SLC38A8: variants seen among roughly 807,000 people sequenced by gnomAD.
SLC38A8 encodes amino acid transporter SLC38A8.
A neutral mutation model predicts 46.0 loss-of-function variants in SLC38A8; 65 were observed. The ratio of observed to expected loss-of-function variants is 1.41; its 90% CI spans 1.16 to 1.74. SLC38A8 has a LOEUF of 1.74. Among genes scored for constraint, SLC38A8 ranks in the 40% most tolerant of loss-of-function variants. The pLI is 0.00. For synonymous variants in SLC38A8, 447 were observed against 243.7 expected, an observed-to-expected ratio of 1.83 and a Z score of -7.77; for missense variants, 998 against 567.9, an observed-to-expected ratio of 1.76 and a Z score of -7.70.
At chr16:84,021,608 CTTATTCTAGCCTGCTCCTCCGAA>C (rs1465309429) in intron 7 of SLC38A8, among the ~76,000 whole-genome samples, 3 of 152,174 alleles carry the variant, frequency 2.0e-5, no homozygotes, top group African/African-American at 7.2e-5. Flanking sequence ...AGAATCTAGG[CTTATTCTAGCCTGCTCCTCCGAA>C]TTCTTCCAGC....
intron 6 of SLC38A8, among the ~76,000 whole-genome samples, chr16:84,026,419 G>A (rs1353903022): frequency 6.6e-6 from 1 of 152,178 alleles, no homozygotes; most frequent in Non-Finnish European, 1.5e-5. Context: ...TGAAGATGGG[G>A]TTTCACCATG....
chr16:84,031,044 A>AT (rs1253974464), intron 5 of SLC38A8, among the ~76,000 whole-genome samples: 1 of 152,012 alleles, frequency 6.6e-6, no homozygotes, highest in African/African-American at 2.4e-5. Context: ...CTTTTTATTA[A>AT]TTTTTTTCTT....
At chr16:84,014,726 G>T (rs569663981) in intron 9 of SLC38A8, among the ~76,000 whole-genome samples, 1 of 152,136 alleles carries the variant, frequency 6.6e-6, no homozygotes, top group South Asian at 2.1e-4. Flanking sequence ...CGGGAGCTGG[G>T]GCAGGTACGG....
At chr16:84,025,144 C>G (rs1482145830) in intron 6 of SLC38A8, among the ~76,000 whole-genome samples, 1 of 118,346 alleles carries the variant, frequency 8.4e-6, no homozygotes, top group Non-Finnish European at 1.9e-5. Context: ...TCTGTCCAGA[C>G]ACACCGGGCG....
chr16:84,034,468 T>C (rs1367890384), intron 3 of SLC38A8, among the ~76,000 whole-genome samples: 2 of 151,632 alleles, frequency 1.3e-5, no homozygotes, highest in African/African-American at 2.4e-5. Context: ...GGGAGGGTGG[T>C]TGGAGGTGGG....
intron 3 of SLC38A8, among the ~76,000 whole-genome samples, chr16:84,034,480 G>A (rs571718862): frequency 2.0e-5 from 3 of 152,200 alleles, no homozygotes; most frequent in Non-Finnish European, 4.4e-5. Context: ...GGAGGTGGGA[G>A]CCACTGGGAA....
At chr16:84,021,324 C>T (rs908826774) in intron 7 of SLC38A8, among the ~76,000 whole-genome samples, 1 of 152,180 alleles carries the variant, frequency 6.6e-6, no homozygotes, top group Non-Finnish European at 1.5e-5. Flanking sequence ...CTCGGCCTCC[C>T]AAAGTGCTGC....
Position 84,013,000 on chromosome 16 carries a change from C to T in SLC38A8, c.1214+1G>A, listed in dbSNP as rs747096444. The T allele has an allele frequency of 6.2e-7, 1 of 1,614,140 alleles. No homozygotes were observed. The highest frequency in any genetic ancestry group is 2.2e-5 in the East Asian group (1 of 44,886). ...TGCCACCTCATCTTAGGGACACTTA[C>T]TTGACTCTTGGTCCTATAGGCTCGA... is the stretch of plus-strand genomic sequence containing the variant. On this transcript the variant is annotated splice_donor_variant, in intron 10 of 10. Coordinates refer to ENST00000299709, the MANE Select transcript of SLC38A8 (RefSeq NM_001080442.3). LOFTEE classifies it high-confidence loss of function.
At chr16:84,042,234 G>C (rs889289960) in intron 1 of SLC38A8, 75 bp from the exon 2 acceptor site, 1 of 1,486,864 alleles carries the variant, frequency 6.7e-7, no homozygotes, top group Non-Finnish European at 9.0e-7. Context: ...ATCCTTATTT[G>C]TCTCCCCAAC....
intron 6 of SLC38A8, among the ~76,000 whole-genome samples, chr16:84,025,507 CCA>C (rs2085152319): frequency 6.6e-6 from 1 of 152,060 alleles, no homozygotes; most frequent in African/African-American, 2.4e-5. Flanking sequence ...CGTCTCTCAA[CCA>C]CACGACAACA....
intron 3 of SLC38A8, among the ~76,000 whole-genome samples, chr16:84,035,750 T>C (rs2085293250): frequency 6.6e-6 from 1 of 152,178 alleles, no homozygotes; most frequent in African/African-American, 2.4e-5. Context: ...TAAAGAATAC[T>C]TCATAATAAA....
chr16:84,033,194 AT>A (rs951941357), intron 4 of SLC38A8, 133 bp downstream of exon 4: 224 of 1,190,632 alleles, frequency 1.9e-4, no homozygotes, highest in Non-Finnish European at 2.2e-4. Context: ...TACTTGTATA[AT>A]TTTTTTTTCG....
chr16:84,017,394 A>T (rs2085043421), intron 7 of SLC38A8, 107 bp from the exon 8 acceptor site: 5 of 1,339,144 alleles, frequency 3.7e-6, no homozygotes, highest in Non-Finnish European at 5.1e-6. Flanking sequence ...GATTTTCCTT[A>T]GGAGCTGAAA....
chr16:84,034,848 G>C (rs1297829935), intron 3 of SLC38A8, among the ~76,000 whole-genome samples: 1 of 151,808 alleles, frequency 6.6e-6, no homozygotes, highest in Admixed American at 6.6e-5. Flanking sequence ...ACCTCCCATA[G>C]CCAGGATCCT....
At chr16:84,025,371 C>T (rs762828737) in intron 6 of SLC38A8, among the ~76,000 whole-genome samples, 2 of 152,164 alleles carry the variant, frequency 1.3e-5, no homozygotes, top group South Asian at 2.1e-4. Flanking sequence ...TCCCTCTGGC[C>T]GGATTTTCTC....
In SLC38A8 at chr16:84,017,170, G is replaced by C. The variant is rs1478018875; in HGVS notation, c.923C>G (p.Thr308Ser). 4 of 1,614,016 alleles carry C rather than the reference G, an allele frequency of 2.5e-6. No homozygotes were observed. Among genetic ancestry groups the C allele is most frequent in the Admixed American group, 1.7e-5 (1 of 60,000 alleles). The change falls in exon 8 of 11, where the codon ACT becomes AGT. Residue 308 changes from threonine to serine, a missense_variant. By Grantham distance (58) the Thr-to-Ser change is moderately conservative. Transcript: ENST00000299709. Reference sequence around the variant, plus strand: ...CAGGAAGAGCACGATGGGGTAGACAGTTACGATGGAGACAGCAAAAAGGAC... The same window carrying C: ...CAGGAAGAGCACGATGGGGTAGACACTTACGATGGAGACAGCAAAAAGGAC... Reference protein sequence around the residue: ...ARVLFAVSIVTVYPIVLFLGR... With the variant: ...ARVLFAVSIVSVYPIVLFLGR...
intron 4 of SLC38A8, 121 bp from the exon 5 acceptor site, chr16:84,032,089 C>T (rs1183501240): frequency 2.5e-6 from 2 of 815,210 alleles, no homozygotes; most frequent in African/African-American, 3.4e-5. Flanking sequence ...GCCAAGCTGT[C>T]CACCTCTGCC....
At chr16:84,013,183 C>T in intron 9 of SLC38A8, 131 bp from the exon 10 acceptor site, 1 of 946,020 alleles carries the variant, frequency 1.1e-6, no homozygotes, top group East Asian at 2.5e-5. Context: ...TGGCTCAGGC[C>T]CCCTGGAGAG....
chr16:84,011,125 C>G lies in SLC38A8; in HGVS notation c.1215-1248G>C, dbSNP rs146003331. The stretch of plus-strand genomic sequence containing the variant: ...CGAGCAGCATCTCAGCACGGCTGTT[C>G]AGCGCCATAAACATCCATTCATCTG... On this transcript the variant is annotated intron_variant, in intron 10 of 10. Transcript: ENST00000299709. Among the ~76,000 whole-genome samples, 3 of 152,210 alleles carry G rather than the reference C, an allele frequency of 2.0e-5. No individual in the cohort carries two copies. In the East Asian group the frequency reaches 5.8e-4, roughly 29 times the overall value.
Sources: gnomAD v4.1 joint callset for allele counts (sites outside exome capture counted in the v4.1 genomes callset) on GRCh38, gnomAD v4.1.1 for gene constraint, MANE v1.5 for transcripts, NCBI Gene and HGNC (gene_info 2026-07-23, HGNC 2026-07-21) for gene names.